RBM27: variants seen among roughly 807,000 people sequenced by gnomAD.
RBM27 encodes the protein RNA-binding protein 27.
RBM27 carries 22 observed loss-of-function variants against 135.3 expected under a neutral mutation model. The ratio of observed to expected loss-of-function variants is 0.16; its 90% confidence interval spans 0.12 to 0.23. The LOEUF (loss-of-function observed/expected upper bound fraction) is 0.23. Ranked by LOEUF, RBM27 falls within the 10% of genes least tolerant of loss-of-function variation. The pLI, the probability that RBM27 is intolerant of heterozygous loss-of-function variation, is 1.00. For synonymous variants in RBM27, 481 were observed against 442.4 expected (o/e 1.09, Z -1.10); for missense variants, 1,009 against 1,281.0 (o/e 0.79, Z 3.24).
At chr5:146,216,283 A>G (rs1756190308) in intron 1 of RBM27, among the ~76,000 whole-genome samples, 1 of 152,068 alleles carries the variant, frequency 6.6e-6, no homozygotes. Flanking sequence ...GCGATTCCCC[A>G]CACTTTGGCC....
Position 146,230,333 on chromosome 5 carries a change from A to G in RBM27, c.590-324A>G, listed in dbSNP as rs1581165360. ...TAGATTATTGGGATCCCAACCACTC[A>G]TCTTCTGAGATACAAGTTTGGAAGT... On this transcript the variant is annotated intron_variant, in intron 5 of 20. Transcript: ENST00000265271. Among the ~76,000 whole-genome samples, 4 of 152,294 alleles carry G rather than the reference A, an allele frequency of 2.6e-5. No homozygotes were observed. In the South Asian group the frequency reaches 8.3e-4, roughly 32 times the overall value.
At chr5:146,255,799 A>T (rs1310379780) in intron 10 of RBM27, among the ~76,000 whole-genome samples, 1 of 152,000 alleles carries the variant, frequency 6.6e-6, no homozygotes, top group Non-Finnish European at 1.5e-5. Context: ...TTTTTTGATT[A>T]ATTTAATCAT....
In RBM27 at chr5:146,233,623, G is replaced by T; in HGVS notation, c.1024G>T (p.Gly342Cys). 2 of 1,601,512 alleles carry T rather than the reference G, an allele frequency of 1.2e-6. No homozygotes were observed. The highest frequency in any genetic ancestry group is 1.7e-6 in the Non-Finnish European group (2 of 1,172,910). ...GCCTCCAATGCCAGGTCCAGGCCCA[G>T]GCCCGGGCCCAGGTCCAGGCCCAGG... The part of the protein sequence containing the change: ...LMPPMPGPGP[G>C]PGPGPGPGPG... The change falls in exon 7 of 21, where the codon GGC becomes TGC. Residue 342 changes from glycine to cysteine, a missense_variant. Physicochemically the swap from Gly to Cys is radical, Grantham distance 159 (BLOSUM62 -3). This residue lies in a region of RBM27 where 329 missense variants were observed against 368.1 expected (regional missense o/e 0.89). Coordinates refer to ENST00000265271, the MANE Select transcript of RBM27 (RefSeq NM_018989.2).
At chr5:146,212,421 T>A (rs1023706134) in intron 1 of RBM27, among the ~76,000 whole-genome samples, 1 of 152,104 alleles carries the variant, frequency 6.6e-6, no homozygotes, top group Non-Finnish European at 1.5e-5. Context: ...TGGTCATAGC[T>A]CACTGTAGCC....
At chr5:146,205,405 A>G (rs1241611283) in intron 1 of RBM27, among the ~76,000 whole-genome samples, 1 of 152,186 alleles carries the variant, frequency 6.6e-6, no homozygotes, top group African/African-American at 2.4e-5. Context: ...GTCAGATTGC[A>G]TTAGTGGAAA....
At chr5:146,232,837 T>C (rs1756995352) in intron 6 of RBM27, among the ~76,000 whole-genome samples, 1 of 152,190 alleles carries the variant, frequency 6.6e-6, no homozygotes, top group Non-Finnish European at 1.5e-5. Context: ...AAAGTGCTGA[T>C]ATTACAGGCG....
intron 2 of RBM27, among the ~76,000 whole-genome samples, chr5:146,220,516 A>G (rs1756412887): frequency 6.7e-6 from 1 of 149,704 alleles, no homozygotes; most frequent in Non-Finnish European, 1.5e-5. Flanking sequence ...ATATGTATGT[A>G]TAGTTGAATG....
At chr5:146,256,995 T>C (rs1490076242) in intron 10 of RBM27, among the ~76,000 whole-genome samples, 3 of 152,242 alleles carry the variant, frequency 2.0e-5, no homozygotes, top group Non-Finnish European at 1.5e-5. Flanking sequence ...CTTTATGCCA[T>C]CGCAGTTGCT....
Position 146,212,232 on chromosome 5 carries a change from T to C in RBM27, c.60-6753T>C, listed in dbSNP as rs12109832. Among the ~76,000 whole-genome samples, 1,491 of 152,268 alleles carry C rather than the reference T, an allele frequency of 9.8e-3. 33 individuals are homozygous for C. The highest frequency in any genetic ancestry group is 0.034 in the African/African-American group (1,412 of 41,554). ...CACCACGCCTGGCTAATTTTTGTAT[T>C]CTTAGTAGAGATGGGCTTTCACCAT... On this transcript the variant is annotated intron_variant, in intron 1 of 20. Transcript: ENST00000265271.
At chr5:146,273,694 C>T (rs1386906550) in intron 19 of RBM27, among the ~76,000 whole-genome samples, 1 of 152,142 alleles carries the variant, frequency 6.6e-6, no homozygotes, top group South Asian at 2.1e-4. Flanking sequence ...TCTTTTGTAT[C>T]TCACAGAGGC....
At chr5:146,205,632 T>C (rs1191326296) in intron 1 of RBM27, among the ~76,000 whole-genome samples, 1 of 151,978 alleles carries the variant, frequency 6.6e-6, no homozygotes, top group African/African-American at 2.4e-5. Flanking sequence ...AAGATGGAAA[T>C]GGTTTGTGGT....
intron 8 of RBM27, among the ~76,000 whole-genome samples, chr5:146,241,940 T>A (rs952697587): frequency 3.3e-5 from 5 of 152,160 alleles, no homozygotes; most frequent in South Asian, 2.1e-4. Flanking sequence ...ATAATCTTTT[T>A]AAAAATTTAT....
In RBM27 at chr5:146,219,648, A is replaced by G. The variant is rs376921526; in HGVS notation, c.178+545A>G. Among the ~76,000 whole-genome samples the G allele has an allele frequency of 1.2e-4, 18 of 152,082 alleles. 1 individual carries two copies. In the South Asian group the frequency reaches 2.9e-3, roughly 25 times the overall value. On this transcript the variant is annotated intron_variant, in intron 2 of 20. Coordinates refer to ENST00000265271, the MANE Select transcript of RBM27 (RefSeq NM_018989.2). ...CCTCACTTGTTCCACTCTAGCCACA[A>G]CGACCACCTGTTTTTTGAATTATGG...
Position 146,261,785 on chromosome 5 carries a change from A to T in RBM27, c.2169A>T (p.Thr723=), listed in dbSNP as rs771004236. 1 of 1,614,156 alleles carries T rather than the reference A, an allele frequency of 6.2e-7. No individual in the cohort carries two copies. Among genetic ancestry groups the T allele is most frequent in the South Asian group, 1.1e-5 (1 of 91,080 alleles). The change falls in exon 13 of 21, where the codon ACA becomes ACT. Residue 723 remains threonine (T), a synonymous_variant. Coordinates refer to ENST00000265271, the MANE Select transcript of RBM27 (RefSeq NM_018989.2). ...QVLVAQSAPS[T]VHGGIQKMMS... ...TAGTGGCCCAGTCTGCTCCTTCAAC[A>T]GTGCACGGAGGTATCCAGAAGGTAA...
intron 19 of RBM27, among the ~76,000 whole-genome samples, chr5:146,279,231 C>G (rs186805258): frequency 6.6e-6 from 1 of 151,198 alleles, no homozygotes; most frequent in African/African-American, 2.4e-5. Context: ...GGGTGGATCA[C>G]GAGGTCAGGA....
chr5:146,211,205 G>T (rs1755926168), intron 1 of RBM27, among the ~76,000 whole-genome samples: 2 of 151,998 alleles, frequency 1.3e-5, no homozygotes, highest in Non-Finnish European at 2.9e-5. Context: ...ACTTGAGCCT[G>T]GGAGGTTGAG....
intron 8 of RBM27, among the ~76,000 whole-genome samples, chr5:146,237,764 T>C (rs148578197): frequency 3.3e-5 from 5 of 152,196 alleles, no homozygotes; most frequent in African/African-American, 4.8e-5. Flanking sequence ...CTCAGCTCAC[T>C]GCAACCTCTG....
intron 8 of RBM27, among the ~76,000 whole-genome samples, chr5:146,244,228 T>C (rs1488345962): frequency 2.0e-5 from 3 of 152,044 alleles, no homozygotes; most frequent in East Asian, 3.9e-4. Flanking sequence ...AATGCAGTGG[T>C]TTACCCCTGT....
At chr5:146,206,783 G>C (rs1481104734) in intron 1 of RBM27, among the ~76,000 whole-genome samples, 1 of 151,798 alleles carries the variant, frequency 6.6e-6, no homozygotes, top group African/African-American at 2.4e-5. Context: ...GGGTGTCACT[G>C]TGTTGGCCAG....
Sources: allele counts gnomAD v4.1 joint callset (sites outside exome capture counted in the v4.1 genomes callset), GRCh38; gene constraint gnomAD v4.1.1; regional missense constraint gnomAD v4.1.1; transcripts MANE v1.5; gene names NCBI Gene and HGNC (gene_info 2026-07-23, HGNC 2026-07-21).